Variants in AFF4 observed in about 807,000 individuals in gnomAD.
AFF4 encodes ALF transcription elongation factor 4.
A neutral mutation model predicts 124.8 loss-of-function variants in AFF4; 13 were observed. The ratio of observed to expected loss-of-function variants is 0.10; its 90% CI spans 0.07 to 0.17. AFF4 has a LOEUF of 0.17. AFF4 is among the 10% of genes least tolerant of loss of function. AFF4 has a pLI of 1.00. For missense variants in AFF4, 1,092 were observed against 1,403.8 expected (o/e 0.78, Z 3.55); for synonymous variants, 477 against 496.1 (o/e 0.96, Z 0.51).
intron 4 of AFF4, among the ~76,000 whole-genome samples, chr5:132,927,893 C>T (rs1053370655): frequency 1.3e-5 from 2 of 152,116 alleles, no homozygotes; most frequent in Admixed American, 6.6e-5. Context: ...ATGCCTTCTG[C>T]CTAATCTTAA....
At chr5:132,949,209 C>CTT (rs368713051) in intron 1 of AFF4, among the ~76,000 whole-genome samples, 2,405 of 112,154 alleles carry the variant, frequency 0.021, 105 homozygotes, top group African/African-American at 0.069. Context: ...TTATTTCTGC[C>CTT]TTTTTTTTTT....
chr5:132,933,972 T>C (rs1761359810), intron 3 of AFF4, among the ~76,000 whole-genome samples, 175 bp downstream of exon 3: 1 of 152,240 alleles, frequency 6.6e-6, no homozygotes, highest in Non-Finnish European at 1.5e-5. Context: ...TTAACAGATC[T>C]ACGCATCCAC....
intron 5 of AFF4, among the ~76,000 whole-genome samples, chr5:132,922,617 T>A (rs1172141537): frequency 6.8e-6 from 1 of 146,454 alleles, no homozygotes; most frequent in Non-Finnish European, 1.5e-5. Context: ...CTGTCTCTAC[T>A]AAAAATACAA....
At chr5:132,949,132 A>T (rs1179667350) in intron 1 of AFF4, among the ~76,000 whole-genome samples, 1 of 151,494 alleles carries the variant, frequency 6.6e-6, no homozygotes, top group African/African-American at 2.4e-5. Flanking sequence ...GGCAATCAGT[A>T]GGAAGGCATG....
chr5:132,961,217 G>A (rs1301751257), intron 1 of AFF4, among the ~76,000 whole-genome samples: 1 of 151,584 alleles, frequency 6.6e-6, no homozygotes, highest in Non-Finnish European at 1.5e-5. Context: ...TCGGCTTACT[G>A]CAACCTTCGC....
At chr5:132,949,481 A>T (rs1463979345) in intron 1 of AFF4, among the ~76,000 whole-genome samples, 1 of 152,012 alleles carries the variant, frequency 6.6e-6, no homozygotes, top group African/African-American at 2.4e-5. Context: ...GTTCCAGACC[A>T]GCCTGGGCAA....
chr5:132,914,506 C>A (rs1237232157), intron 5 of AFF4, among the ~76,000 whole-genome samples: 1 of 151,594 alleles, frequency 6.6e-6, no homozygotes, highest in African/African-American at 2.4e-5. Context: ...GAGGCTGAGG[C>A]AGGAGAATCG....
intron 1 of AFF4, among the ~76,000 whole-genome samples, chr5:132,959,788 G>A (rs1276568212): frequency 8.9e-5 from 10 of 111,932 alleles, no homozygotes; most frequent in South Asian, 5.3e-4. Context: ...TTTTTGAGAC[G>A]GAGTCTCGCT....
chr5:132,889,798 ATG>A (rs1760209171), intron 13 of AFF4, among the ~76,000 whole-genome samples: 2 of 151,894 alleles, frequency 1.3e-5, no homozygotes, highest in South Asian at 4.2e-4. Context: ...TCTCATCCAC[ATG>A]TCTTTTTTTT....
At chr5:132,948,398 A>G (rs1002645240) in intron 1 of AFF4, 1 of 152,158 alleles carries the variant, frequency 6.6e-6, no homozygotes, top group Non-Finnish European at 1.5e-5. Flanking sequence ...CCACAATCCT[A>G]ATTTTCATTC....
Position 132,896,272 on chromosome 5 carries a change from G to C in AFF4, c.2307+51C>G, listed in dbSNP as rs187980284. On this transcript the variant is annotated intron_variant, in intron 11 of 20. Coordinates refer to ENST00000265343, the MANE Select transcript of AFF4 (RefSeq NM_014423.4). ...TTTGTGGCTTACTGAGATTTCCACC[G>C]CATTTCAGATTCTGATGTTTCAAAA... 2.9e-4 allele frequency: 446 copies of C among 1,522,396 alleles called. 1 individual carries two copies. Among genetic ancestry groups the C allele is most frequent in the Admixed American group, 1.1e-3 (48 of 45,108 alleles). 94.3% of individuals were successfully genotyped at this position (1,522,396 alleles called of 1,614,324 possible).
At chr5:132,888,036 T>G in intron 15 of AFF4, 54 bp from the exon 16 acceptor site, 1 of 1,607,430 alleles carries the variant, frequency 6.2e-7, no homozygotes. Flanking sequence ...GCTACAAACA[T>G]CAGAAGATTA....
intron 5 of AFF4, among the ~76,000 whole-genome samples, chr5:132,912,094 T>C (rs1581295492): frequency 6.6e-6 from 1 of 150,646 alleles, no homozygotes; most frequent in African/African-American, 2.4e-5. Flanking sequence ...GGCTCACACC[T>C]GTAATCCCAG....
At chr5:132,910,251 C>A (rs4380643) in intron 5 of AFF4, among the ~76,000 whole-genome samples, 1 of 151,984 alleles carries the variant, frequency 6.6e-6, no homozygotes, top group East Asian at 1.9e-4. Context: ...TTAAATGGGA[C>A]CAATTCAAGG....
intron 1 of AFF4, among the ~76,000 whole-genome samples, chr5:132,949,209 CT>C (rs368713051): frequency 0.04 from 4,465 of 112,180 alleles, 59 homozygotes; most frequent in African/African-American, 0.061. Context: ...TTATTTCTGC[CT>C]TTTTTTTTTT....
chr5:132,937,341 G>T (rs1219540176), intron 1 of AFF4, 148 bp from the exon 2 acceptor site: 3 of 965,232 alleles, frequency 3.1e-6, no homozygotes, highest in African/African-American at 1.7e-5. Context: ...CTGGGTTTTG[G>T]TAATGGTTTT....
Position 132,910,322 on chromosome 5 carries a change from G to A in AFF4, c.1051-5918C>T, listed in dbSNP as rs148837404. Among the ~76,000 whole-genome samples, 747 of 152,214 alleles carry A rather than the reference G, an allele frequency of 4.9e-3. 16 individuals carry two copies. The highest frequency in any genetic ancestry group is 2.7e-3 in the East Asian group (14 of 5,186). ...GATCCTAAACTTAGCACCATTTGCC[G>A]CCTGTGAACTGCTCTTTCAGACTCG... is the stretch of plus-strand genomic sequence containing the variant. On this transcript the variant is annotated intron_variant, in intron 5 of 20. Coordinates refer to ENST00000265343, the MANE Select transcript of AFF4 (RefSeq NM_014423.4).
intron 1 of AFF4, among the ~76,000 whole-genome samples, chr5:132,960,833 A>G (rs572845327): frequency 1.7e-4 from 26 of 152,320 alleles, no homozygotes; most frequent in Non-Finnish European, 2.9e-4. Context: ...ACAGATCTGT[A>G]AGAAAATTAT....
chr5:132,890,069 G>A (rs1398989416), intron 13 of AFF4, among the ~76,000 whole-genome samples: 1 of 151,060 alleles, frequency 6.6e-6, no homozygotes, highest in Non-Finnish European at 1.5e-5. Context: ...ATAAACAAGT[G>A]GAATTTATTC....
Sources: gnomAD v4.1 joint callset for allele counts (sites outside exome capture counted in the v4.1 genomes callset) on GRCh38, gnomAD v4.1.1 for gene constraint, MANE v1.5 for transcripts, NCBI Gene and HGNC (gene_info 2026-07-23, HGNC 2026-07-21) for gene names.